The following EHMT1 variants were observed in gnomAD, a reference collection of about 807,000 sequenced individuals.
The protein encoded by EHMT1 is histone-lysine N-methyltransferase EHMT1.
A neutral mutation model predicts 147.2 loss-of-function variants in EHMT1; 15 were observed. The observed-to-expected ratio is 0.10, with a 90% CI of 0.07 to 0.16. The LOEUF (loss-of-function observed/expected upper bound fraction) is 0.16, where lower values mean the gene tolerates loss of function less well. Among genes scored for constraint, EHMT1 ranks in the 10% least tolerant of loss-of-function variants. The pLI is 1.00. For synonymous variants in EHMT1, 795 were observed against 709.6 expected (o/e 1.12, Z -1.91); for missense variants, 1,587 against 1,772.4 (o/e 0.90, Z 1.88).
At chr9:137,737,432 G>T (rs1424276733) in intron 4 of EHMT1, among the ~76,000 whole-genome samples, 2 of 152,186 alleles carry the variant, frequency 1.3e-5, no homozygotes, top group African/African-American at 4.8e-5. Flanking sequence ...CCAACAAATG[G>T]TGCGGGGAAG....
At chr9:137,784,189 AG>A in intron 15 of EHMT1, 1 of 1,551,028 alleles carries the variant, frequency 6.4e-7, no homozygotes, top group Non-Finnish European at 8.7e-7. Context: ...GAACACAGCC[AG>A]GAACCACGCC....
intron 8 of EHMT1, among the ~76,000 whole-genome samples, chr9:137,757,247 C>T (rs139779384): frequency 7.7e-4 from 117 of 152,368 alleles, no homozygotes; most frequent in Admixed American, 1.4e-3. Context: ...CCACTGCCCT[C>T]GCTGCCAGCC....
chr9:137,702,779 T>C (rs1383635702), intron 1 of EHMT1, among the ~76,000 whole-genome samples: 1 of 152,222 alleles, frequency 6.6e-6, no homozygotes, highest in African/African-American at 2.4e-5. Context: ...TAGTAGAGGC[T>C]CTCCGTGGGG....
intron 1 of EHMT1, among the ~76,000 whole-genome samples, chr9:137,633,318 C>A (rs113185379): frequency 6.9e-6 from 1 of 145,300 alleles, no homozygotes; most frequent in East Asian, 2.0e-4. Flanking sequence ...TAATTGACTA[C>A]TTTTTTTTTT....
At chr9:137,728,207 G>A in intron 3 of EHMT1, 142 bp from the exon 4 acceptor site, 2 of 1,230,570 alleles carry the variant, frequency 1.6e-6, no homozygotes. Context: ...GTTTCCGCTT[G>A]CAGACTTTCT....
At chr9:137,625,703 C>G (rs1843211625) in intron 1 of EHMT1, among the ~76,000 whole-genome samples, 1 of 151,944 alleles carries the variant, frequency 6.6e-6, no homozygotes, top group Non-Finnish European at 1.5e-5. Context: ...GAATGTTGGA[C>G]TTCCTGTATT....
At chr9:137,758,632 G>A (rs747877853) in intron 9 of EHMT1, among the ~76,000 whole-genome samples, 3 of 152,190 alleles carry the variant, frequency 2.0e-5, no homozygotes, top group Non-Finnish European at 2.9e-5. Flanking sequence ...TTTATTCGAA[G>A]CATGATGTGG....
At chr9:137,783,948 C>T (rs573896629) in intron 15 of EHMT1, 1 of 416,354 alleles carries the variant, frequency 2.4e-6, no homozygotes, top group African/African-American at 2.0e-5. Flanking sequence ...TTTAGTCTAA[C>T]AGTCTTGGTA....
intron 25 of EHMT1, among the ~76,000 whole-genome samples, chr9:137,822,895 G>T (rs1455966626): frequency 7.8e-6 from 1 of 128,098 alleles, no homozygotes; most frequent in East Asian, 2.4e-4. Context: ...ACTTCATCTC[G>T]AAAAAAAAAA....
chr9:137,814,162 A>G lies in EHMT1; in HGVS notation c.3181-269A>G. ...AAATGCAGCCGCCGCCCAGCCCTTC[A>G]CCCACCCCACGTCACCCACTGCCGC... On this transcript the variant is annotated intron_variant, in intron 21 of 26. Transcript: ENST00000460843. The G allele has an allele frequency of 7.6e-6, 4 of 526,084 alleles. No homozygotes were observed. The South Asian group carries it at 7.8e-5, about 10-fold the overall frequency. The allele number at this position is 526,084 out of a possible 1,614,324, so 32.6% of individuals were successfully genotyped here.
intron 1 of EHMT1, among the ~76,000 whole-genome samples, chr9:137,698,615 G>T (rs1000706378): frequency 4.6e-5 from 7 of 152,108 alleles, no homozygotes; most frequent in African/African-American, 1.7e-4. Flanking sequence ...TGCCAGCCTG[G>T]AACCTTAGGT....
intron 1 of EHMT1, among the ~76,000 whole-genome samples, chr9:137,706,170 C>T (rs1195017845): frequency 2.6e-5 from 4 of 152,064 alleles, no homozygotes; most frequent in Admixed American, 6.5e-5. Flanking sequence ...TGGGGGTTGG[C>T]GAGTCCTGGA....
In EHMT1 at chr9:137,728,651, G is replaced by C. The variant is rs932294066; in HGVS notation, c.823+122G>C. On this transcript the variant is annotated intron_variant, in intron 4 of 26. Transcript: ENST00000460843. ...CTGCTCTTGATGAATGACTGTTGAC[G>C]TCAGCTGGCCCTCCTGTGCTCGCCT... The C allele has an allele frequency of 1.1e-5, 15 of 1,369,218 alleles. No homozygotes were observed. In the Admixed American group the frequency reaches 2.8e-4, roughly 25 times the overall value. The allele number at this position is 1,369,218 out of a possible 1,614,324, so 84.8% of individuals were successfully genotyped here.
At chr9:137,684,097 G>C (rs1942213835) in intron 1 of EHMT1, among the ~76,000 whole-genome samples, 1 of 151,804 alleles carries the variant, frequency 6.6e-6, no homozygotes, top group African/African-American at 2.4e-5. Context: ...TGCAGTGGTT[G>C]CAGTCACGGC....
At chr9:137,641,358 G>A (rs1282084322) in intron 1 of EHMT1, 13 of 500,998 alleles carry the variant, frequency 2.6e-5, no homozygotes, top group Non-Finnish European at 5.2e-5. Context: ...TTTGAAGTAA[G>A]GATTTTCGTC....
chr9:137,643,053 A>T (rs1206089199), intron 1 of EHMT1, among the ~76,000 whole-genome samples: 4 of 148,668 alleles, frequency 2.7e-5, no homozygotes, highest in Admixed American at 6.7e-5. Context: ...CTGATTTTTA[A>T]TTTTTTTTTT....
chr9:137,772,630 C>G (rs948621291), intron 10 of EHMT1, among the ~76,000 whole-genome samples: 2 of 152,244 alleles, frequency 1.3e-5, no homozygotes, highest in African/African-American at 4.8e-5. Flanking sequence ...TGGGTTATCT[C>G]TACTTTGTGA....
chr9:137,738,803 ATGT>A (rs1295253166), intron 4 of EHMT1: 3 of 152,188 alleles, frequency 2.0e-5, no homozygotes, highest in South Asian at 2.1e-4. Context: ...AAAAGAACAA[ATGT>A]TGTACCATTC....
In EHMT1 at chr9:137,635,586, C is replaced by T. The variant is rs184081337; in HGVS notation, c.21+16537C>T. On this transcript the variant is annotated intron_variant, in intron 1 of 26. Transcript: ENST00000460843. ...CTGTAATCCCAGCACTTTGGGAGGC[C>T]GAGGTGGGTGGATCACGAGGTCAGG... Among the ~76,000 whole-genome samples the T allele has an allele frequency of 4.7e-3, 706 of 151,202 alleles. 7 individuals are homozygous for T. Among genetic ancestry groups the T allele is most frequent in the African/African-American group, 0.016 (658 of 41,312 alleles).
Sources: gnomAD v4.1 joint callset for allele counts (sites outside exome capture counted in the v4.1 genomes callset) on GRCh38, gnomAD v4.1.1 for gene constraint, MANE v1.5 for transcripts, NCBI Gene and HGNC (gene_info 2026-07-23, HGNC 2026-07-21) for gene names.